AGPAT4: variants seen among roughly 807,000 people sequenced by gnomAD.
AGPAT4 encodes the protein 1-acyl-sn-glycerol-3-phosphate acyltransferase delta.
In AGPAT4, 15 loss-of-function variants were observed where a neutral mutation model predicts 48.0. The ratio of observed to expected loss-of-function variants is 0.31; its 90% CI spans 0.21 to 0.48. AGPAT4 has a LOEUF of 0.48. Ranked by LOEUF, AGPAT4 falls within the 20% of genes least tolerant of loss-of-function variation. AGPAT4 has a pLI of 0.99. For synonymous variants in AGPAT4, 178 were observed against 198.7 expected (o/e 0.90, Z 0.88); for missense variants, 314 against 482.5 (o/e 0.65, Z 3.27).
At chr6:161,151,629 A>G (rs1779595097) in intron 5 of AGPAT4, among the ~76,000 whole-genome samples, 1 of 152,242 alleles carries the variant, frequency 6.6e-6, no homozygotes, top group African/African-American at 2.4e-5. Context: ...CCCTTTACCC[A>G]GCTTTTCTCA....
rs1282129139 is a variant in AGPAT4 at position 161,134,198 on chromosome 6, A to C, written c.*2342T>G. The C allele has an allele frequency of 1.3e-5, 2 of 152,180 alleles. No homozygotes were observed. Among genetic ancestry groups the C allele is most frequent in the Non-Finnish European group, 2.9e-5 (2 of 68,032 alleles). The allele number at this position is 152,180 out of a possible 1,614,324, so 9.4% of individuals were successfully genotyped here. A position where few individuals can be genotyped will look rare whatever the true frequency, so the allele number is the denominator to read the frequency against. ...TAAGGCAATTCAAAACTTGGCGCTCACTTAGTTATTTCCTAAGAGATTTCT... is the reference window on the plus strand; with the variant it reads ...TAAGGCAATTCAAAACTTGGCGCTCCCTTAGTTATTTCCTAAGAGATTTCT... On this transcript the variant is annotated 3_prime_UTR_variant, in exon 9 of 9. Coordinates refer to ENST00000320285, the MANE Select transcript of AGPAT4 (RefSeq NM_020133.3).
Position 161,184,324 on chromosome 6 carries a change from G to A in AGPAT4, c.179-17907C>T, listed in dbSNP as rs145934871. ...AGTGGAACTTGCTGTTGGGTTCAACGTGGTGTAAGAGACAGAGGAGAATTC... is the reference window on the plus strand; with the variant it reads ...AGTGGAACTTGCTGTTGGGTTCAACATGGTGTAAGAGACAGAGGAGAATTC... On this transcript the variant is annotated intron_variant, in intron 2 of 8. Coordinates refer to ENST00000320285, the MANE Select transcript of AGPAT4 (RefSeq NM_020133.3). This position sits in a 1 kb window ranked among gnomAD's most constrained non-coding sequence, Gnocchi z 4.8. Among the ~76,000 whole-genome samples the A allele has an allele frequency of 1.4e-4, 21 of 152,252 alleles. No homozygotes were observed. The highest frequency in any genetic ancestry group is 5.1e-4 in the African/African-American group (21 of 41,538).
rs1779187807 is a variant in AGPAT4 at position 161,139,686 on chromosome 6, CCTGCTT to C, written c.844-72_844-67del. ...CTCGGTGGCAGGTCCCTCCCGAGGC[CCTGCTT>C]CCAAGGGAATCGCAGAGATACACAG... On this transcript the variant is annotated intron_variant, in intron 7 of 8. Coordinates refer to ENST00000320285, the MANE Select transcript of AGPAT4 (RefSeq NM_020133.3). The surrounding 1 kb of genome is among the most constrained non-coding windows in gnomAD (Gnocchi z 9.1). 2.8e-6 allele frequency: 4 copies of C among 1,430,182 alleles called. No homozygotes were observed. In the South Asian group the frequency reaches 5.3e-5, roughly 19 times the overall value. 88.6% of individuals were successfully genotyped at this position (1,430,182 alleles called of 1,614,324 possible).
At chr6:161,176,056 A>T (rs61097273) in intron 2 of AGPAT4, among the ~76,000 whole-genome samples, 2,958 of 152,296 alleles carry the variant, frequency 0.019, 99 homozygotes, top group African/African-American at 0.067. Context: ...TTTACTTCCA[A>T]CTATGTGGTC....
intron 1 of AGPAT4, among the ~76,000 whole-genome samples, chr6:161,250,289 T>A (rs1782771901): frequency 6.6e-6 from 1 of 152,182 alleles, no homozygotes; most frequent in Non-Finnish European, 1.5e-5. Flanking sequence ...AGAAGCCCCA[T>A]GACACAAGTT....
chr6:161,175,462 G>A (rs750241878), intron 2 of AGPAT4, among the ~76,000 whole-genome samples: 3 of 152,188 alleles, frequency 2.0e-5, no homozygotes, highest in Non-Finnish European at 4.4e-5. Flanking sequence ...TGCTCTGATA[G>A]TAGTTTGTAT....
At chr6:161,227,780 G>A (rs1321292970) in intron 2 of AGPAT4, among the ~76,000 whole-genome samples, 5 of 152,242 alleles carry the variant, frequency 3.3e-5, no homozygotes, top group South Asian at 4.2e-4. Flanking sequence ...ACCACTACAC[G>A]CAGTAGTGTT....
At chr6:161,151,451 C>A (rs978057796) in intron 5 of AGPAT4, among the ~76,000 whole-genome samples, 4 of 152,202 alleles carry the variant, frequency 2.6e-5, no homozygotes, top group African/African-American at 9.6e-5. Context: ...AGTTAGGGAG[C>A]CGCGCTGGCC....
chr6:161,162,362 G>A (rs952698946), intron 3 of AGPAT4, among the ~76,000 whole-genome samples: 4 of 152,344 alleles, frequency 2.6e-5, no homozygotes, highest in East Asian at 1.9e-4. Flanking sequence ...CCCGGGTCCC[G>A]GTTACAGAAG....
In AGPAT4 at chr6:161,219,872, T is replaced by TAGATAGATAGATAGGCAGGC. The variant is rs1375144242; in HGVS notation, c.178+12163_178+12164insGCCTGCCTATCTATCTATCT. Among the ~76,000 whole-genome samples the TAGATAGATAGATAGGCAGGC allele has an allele frequency of 5.7e-4, 69 of 121,176 alleles. 1 individual carries two copies. Among genetic ancestry groups the TAGATAGATAGATAGGCAGGC allele is most frequent in the South Asian group, 1.6e-3 (5 of 3,148 alleles). The allele number at this position is 121,176 out of a possible 152,430, so 79.5% of individuals were successfully genotyped here. A position where few individuals can be genotyped will look rare whatever the true frequency, so the allele number is the denominator to read the frequency against. On this transcript the variant is annotated intron_variant, in intron 2 of 8. Transcript: ENST00000320285. The surrounding 1 kb of genome is among the most constrained non-coding windows in gnomAD (Gnocchi z 4.9). Reference sequence around the variant, plus strand: ...ATAGATAGATAGATAGATAGATAGATAGGCAGGCAGGCAGGCAGGCAGGCA... The same window carrying TAGATAGATAGATAGGCAGGC: ...ATAGATAGATAGATAGATAGATAGATAGATAGATAGATAGGCAGGCAGGCAGGCAGGCAGGCAGGCAGGCA...
intron 2 of AGPAT4, among the ~76,000 whole-genome samples, chr6:161,170,001 A>G (rs1201818565): frequency 6.6e-6 from 1 of 152,142 alleles, no homozygotes; most frequent in East Asian, 1.9e-4. Context: ...GCTTCTCTGA[A>G]TCCCAGGCCA....
chr6:161,269,157 G>A (rs1783352051), intron 1 of AGPAT4, among the ~76,000 whole-genome samples: 1 of 152,168 alleles, frequency 6.6e-6, no homozygotes, highest in Non-Finnish European at 1.5e-5. Context: ...GGAAATCTAT[G>A]AGTAATTCAC....
chr6:161,213,810 A>AGCTTATTAGTTAGTTATTAGCTTAT (rs1781576971), intron 2 of AGPAT4, among the ~76,000 whole-genome samples: 1 of 152,130 alleles, frequency 6.6e-6, no homozygotes, highest in East Asian at 1.9e-4. Flanking sequence ...AATAACTTAG[A>AGCTTATTAGTTAGTTATTAGCTTAT]TCCTACCTGT....
intron 2 of AGPAT4, among the ~76,000 whole-genome samples, chr6:161,167,791 C>T (rs956720017): frequency 6.6e-6 from 1 of 152,220 alleles, no homozygotes; most frequent in African/African-American, 2.4e-5. Context: ...ACAAATTAAC[C>T]TCCTAACACG....
rs1781789689 is a variant in AGPAT4, at chr6:161,219,962, A to ACAGT, written c.178+12073_178+12074insACTG. ...GGCAGGCAGGCAGACAGACAGACAG[A>ACAGT]CAGACAGGCAGGCAGATAGATACAT... On this transcript the variant is annotated intron_variant, in intron 2 of 8. Transcript: ENST00000320285. The surrounding 1 kb of genome is among the most constrained non-coding windows in gnomAD (Gnocchi z 4.9). Among the ~76,000 whole-genome samples the ACAGT allele has an allele frequency of 1.3e-5, 2 of 150,806 alleles. No individual in the cohort carries two copies. The highest frequency in any genetic ancestry group is 3.4e-3 in the Middle Eastern group (1 of 290).
intron 2 of AGPAT4, among the ~76,000 whole-genome samples, chr6:161,175,060 T>C (rs981304511): frequency 4.6e-5 from 7 of 152,238 alleles, no homozygotes; most frequent in Non-Finnish European, 8.8e-5. Flanking sequence ...CAGTATTTTA[T>C]GGAGAATTTT....
At position 161,148,152 on chromosome 6, in the gene AGPAT4, C is replaced by T. The variant is rs954305294; in HGVS notation, c.767+1035G>A. Among the ~76,000 whole-genome samples, 4 of 152,170 alleles carry T rather than the reference C, an allele frequency of 2.6e-5. No homozygotes were observed. The highest frequency in any genetic ancestry group is 1.5e-5 in the Non-Finnish European group (1 of 68,030). ...CTGTCAGAGAACATGGGGAATAAAA[C>T]CTCACTTTACTCCTAGGAGAAGGTC... On this transcript the variant is annotated intron_variant, in intron 6 of 8. Coordinates refer to ENST00000320285, the MANE Select transcript of AGPAT4 (RefSeq NM_020133.3). The surrounding 1 kb of genome is among the most constrained non-coding windows in gnomAD (Gnocchi z 5.5).
At chr6:161,190,568 T>C (rs963556960) in intron 2 of AGPAT4, among the ~76,000 whole-genome samples, 3 of 146,094 alleles carry the variant, frequency 2.1e-5, no homozygotes, top group African/African-American at 7.7e-5. Flanking sequence ...TGGGAAGCTT[T>C]ACCCAGAAGA....
rs564078746 is a variant in AGPAT4 at position 161,266,333 on chromosome 6, C to G, written c.-90+7605G>C. Among the ~76,000 whole-genome samples, 1 of 152,308 alleles carries G rather than the reference C, an allele frequency of 6.6e-6. No homozygotes were observed. The highest frequency in any genetic ancestry group is 2.4e-5 in the African/African-American group (1 of 41,572). On this transcript the variant is annotated intron_variant, in intron 1 of 8. Transcript: ENST00000320285. This position sits in a 1 kb window ranked among gnomAD's most constrained non-coding sequence, Gnocchi z 6.2. ...ACCCTGATGACCTGACTTCTTGTGC[C>G]CATCTCTTCTCTAGGCCACAACACA...
Sources: gnomAD v4.1 joint callset for allele counts (sites outside exome capture counted in the v4.1 genomes callset) on GRCh38, gnomAD v4.1.1 for gene constraint, Gnocchi (gnomAD v3.1) non-coding constraint, MANE v1.5 for transcripts, NCBI Gene and HGNC (gene_info 2026-07-23, HGNC 2026-07-21) for gene names.